Variants in ST8SIA1 observed in about 807,000 individuals in gnomAD.
ST8SIA1 encodes the protein ST8 alpha-N-acetyl-neuraminide alpha-2,8-sialyltransferase 1.
Under a neutral mutation model 35.9 loss-of-function variants are expected in ST8SIA1, and 16 were observed. The observed-to-expected ratio is 0.45, with a 90% CI of 0.30 to 0.68. ST8SIA1 has a LOEUF of 0.68. ST8SIA1 is among the 30% of genes least tolerant of loss of function. The pLI, the probability that ST8SIA1 is intolerant of heterozygous loss-of-function variation, is 0.09. For missense variants in ST8SIA1, 383 were observed against 453.6 expected (o/e 0.84, Z 1.41); for synonymous variants, 170 against 169.6 (o/e 1.00, Z -0.02).
At chr12:22,203,995 A>T (rs1591822795) in intron 4 of ST8SIA1, among the ~76,000 whole-genome samples, 1 of 152,316 alleles carries the variant, frequency 6.6e-6, no homozygotes, top group Admixed American at 6.5e-5. Context: ...CTTATTTAGA[A>T]GATCAAAGCA....
chr12:22,201,612 G>T lies in ST8SIA1; in HGVS notation c.1011C>A (p.Ile337=). 1 of 1,614,000 alleles carries T rather than the reference G, an allele frequency of 6.2e-7. No homozygotes were observed. ...EFLQLWYLHK[I]GALRMQLDPC... is the part of the protein sequence containing the mutation. Reference sequence around the variant, plus strand: ...GGTCCAGCTGCATTCTCAGTGCACCGATTTTATGAAGATACCAGAGTTGGA... The same window carrying T: ...GGTCCAGCTGCATTCTCAGTGCACCTATTTTATGAAGATACCAGAGTTGGA... The change falls in exon 5 of 5, where the codon ATC becomes ATA. Residue 337 remains isoleucine, a synonymous_variant. Transcript: ENST00000396037.
chr12:22,325,839 A>G (rs1866669767), intron 1 of ST8SIA1: 1 of 701,560 alleles, frequency 1.4e-6, no homozygotes, highest in African/African-American at 1.7e-5. Flanking sequence ...TGGTAAAATA[A>G]AATCGGTGTT....
Position 22,260,872 on chromosome 12 carries a change from TTG to T in ST8SIA1, c.382-5485_382-5484del, listed in dbSNP as rs1400098536. On this transcript the variant is annotated intron_variant, in intron 2 of 4. Transcript: ENST00000396037. ...TCAATTTCAAAGATTTATATAGTTG[TTG>T]TTTTTTTTTTTTTTTTTTTTGAGAC... is the stretch of plus-strand genomic sequence containing the variant. Among the ~76,000 whole-genome samples the T allele has an allele frequency of 1.1e-4, 15 of 132,722 alleles. No individual in the cohort carries two copies. In the East Asian group the frequency reaches 2.1e-3, roughly 19 times the overall value. 87.1% of individuals were successfully genotyped at this position (132,722 alleles called of 152,430 possible).
At chr12:22,265,740 C>T (rs1027566671) in intron 2 of ST8SIA1, among the ~76,000 whole-genome samples, 17 of 152,248 alleles carry the variant, frequency 1.1e-4, no homozygotes, top group African/African-American at 4.1e-4. Context: ...AGAGGCTCTT[C>T]TGTTCTTCTC....
At chr12:22,325,083 A>G in intron 1 of ST8SIA1, 1 of 194,272 alleles carries the variant, frequency 5.1e-6, no homozygotes, top group Non-Finnish European at 1.0e-5. Context: ...AGGGAATTTC[A>G]GCAGGCTTTT....
In ST8SIA1 at chr12:22,243,904, G is replaced by A. The variant is rs1865569832; in HGVS notation, c.584+5102C>T. 5.3e-5 allele frequency among the ~76,000 whole-genome samples: 8 copies of A among 152,012 alleles called. 1 individual carries two copies. In the South Asian group the frequency reaches 1.7e-3, roughly 32 times the overall value. On this transcript the variant is annotated intron_variant, in intron 4 of 4. Transcript: ENST00000396037. ...AAATCACCCGGGTGTGGTGGCACAC[G>A]CCTGTAATCCCAGCTACTTGGGAGG... is the stretch of plus-strand genomic sequence containing the variant.
chr12:22,320,866 AAGAAAGAAAGAAAG>A (rs1190998080), intron 1 of ST8SIA1, among the ~76,000 whole-genome samples: 3 of 150,168 alleles, frequency 2.0e-5, no homozygotes, highest in Non-Finnish European at 4.4e-5. Context: ...GAAAAAAAGA[AAGAAAGAAAGAAAG>A]AGAAAGAAAG....
At chr12:22,219,719 CA>C (rs2051543217) in intron 4 of ST8SIA1, among the ~76,000 whole-genome samples, 2 of 152,092 alleles carry the variant, frequency 1.3e-5, no homozygotes, top group Non-Finnish European at 2.9e-5. Context: ...TCTGGGAAAG[CA>C]AATGGAAATT....
intron 4 of ST8SIA1, among the ~76,000 whole-genome samples, chr12:22,236,151 C>T (rs1865474292): frequency 6.6e-6 from 1 of 152,164 alleles, no homozygotes; most frequent in Admixed American, 6.5e-5. Flanking sequence ...CTTCTCTAGA[C>T]CTTCTTTCTT....
intron 2 of ST8SIA1, among the ~76,000 whole-genome samples, chr12:22,276,081 G>A (rs1865964454): frequency 6.6e-6 from 1 of 152,138 alleles, no homozygotes; most frequent in Admixed American, 6.5e-5. Flanking sequence ...GCACAACACT[G>A]GGGAGTGATC....
At chr12:22,318,106 A>G (rs1190563975) in intron 1 of ST8SIA1, among the ~76,000 whole-genome samples, 1 of 152,240 alleles carries the variant, frequency 6.6e-6, no homozygotes, top group Admixed American at 6.5e-5. Context: ...AATGAAACTG[A>G]TAAGACCTTT....
chr12:22,276,237 G>GTAGAGTC (rs75753784), intron 2 of ST8SIA1, among the ~76,000 whole-genome samples: 14,076 of 152,186 alleles, frequency 0.092, 791 homozygotes, highest in East Asian at 0.15. Context: ...TGTTTCACTT[G>GTAGAGTC]TAGAATGCTT....
At chr12:22,252,127 A>C (rs1865678161) in intron 3 of ST8SIA1, among the ~76,000 whole-genome samples, 1 of 152,226 alleles carries the variant, frequency 6.6e-6, no homozygotes, top group Non-Finnish European at 1.5e-5. Context: ...GATTTTCAGC[A>C]CTAGAAGATG....
chr12:22,292,580 G>A (rs1379345699), intron 1 of ST8SIA1, among the ~76,000 whole-genome samples: 2 of 152,048 alleles, frequency 1.3e-5, no homozygotes, highest in African/African-American at 2.4e-5. Context: ...ATAAAAAGGA[G>A]GAAATCATGT....
chr12:22,213,692 T>C (rs1865200957), intron 4 of ST8SIA1, among the ~76,000 whole-genome samples: 1 of 152,134 alleles, frequency 6.6e-6, no homozygotes, highest in Non-Finnish European at 1.5e-5. Context: ...GCTAGCTTGA[T>C]GCACAGGACA....
chr12:22,315,299 C>A (rs1421531015), intron 1 of ST8SIA1, among the ~76,000 whole-genome samples: 3 of 152,088 alleles, frequency 2.0e-5, no homozygotes, highest in Non-Finnish European at 4.4e-5. Flanking sequence ...CTTATTCATC[C>A]CCATCCCAAC....
chr12:22,322,556 T>C (rs1160529745), intron 1 of ST8SIA1, among the ~76,000 whole-genome samples: 1 of 152,214 alleles, frequency 6.6e-6, no homozygotes, highest in African/African-American at 2.4e-5. Context: ...CAATACTCAT[T>C]AGACATTTAG....
At chr12:22,233,075 AC>A (rs1279569531) in intron 4 of ST8SIA1, among the ~76,000 whole-genome samples, 2 of 152,204 alleles carry the variant, frequency 1.3e-5, no homozygotes, top group Non-Finnish European at 2.9e-5. Flanking sequence ...GAAAAGGTCC[AC>A]TGCGTGCCAG....
At chr12:22,260,285 C>T (rs1865774775) in intron 2 of ST8SIA1, among the ~76,000 whole-genome samples, 1 of 151,994 alleles carries the variant, frequency 6.6e-6, no homozygotes, top group Admixed American at 6.6e-5. Flanking sequence ...CCTCAGCTTC[C>T]CAAGTAGCTG....
Sources: allele counts gnomAD v4.1 joint callset (sites outside exome capture counted in the v4.1 genomes callset), GRCh38; gene constraint gnomAD v4.1.1; transcripts MANE v1.5; gene names NCBI Gene and HGNC (gene_info 2026-07-23, HGNC 2026-07-21).